CNTNAP2: variants seen among roughly 807,000 people sequenced by gnomAD.
CNTNAP2 encodes the protein contactin-associated protein-like 2.
A neutral mutation model predicts 155.2 loss-of-function variants in CNTNAP2; 98 were observed. The observed-to-expected ratio is 0.63, with a 90% CI of 0.54 to 0.75. The LOEUF (loss-of-function observed/expected upper bound fraction) is 0.75, where lower values mean the gene tolerates loss of function less well. Among genes scored for constraint, CNTNAP2 ranks in the 30% least tolerant of loss-of-function variants. CNTNAP2 has a pLI of 0.00. For synonymous variants in CNTNAP2, 651 were observed against 631.2 expected, an observed-to-expected ratio of 1.03 and a Z score of -0.47; for missense variants, 1,727 against 1,688.1, an observed-to-expected ratio of 1.02 and a Z score of -0.40.
chr7:148,412,513 G>A (rs950074800), intron 23 of CNTNAP2, among the ~76,000 whole-genome samples: 6 of 152,166 alleles, frequency 3.9e-5, no homozygotes, highest in Non-Finnish European at 7.3e-5. Context: ...GTCTCTCTCT[G>A]GCATATAAAA....
At chr7:148,386,463 G>A (rs1585328774) in intron 22 of CNTNAP2, among the ~76,000 whole-genome samples, 2 of 152,258 alleles carry the variant, frequency 1.3e-5, no homozygotes, top group Non-Finnish European at 1.5e-5. Context: ...GGGAGGCAGA[G>A]GTTGCACTGA....
chr7:146,996,972 C>T (rs762714455), intron 3 of CNTNAP2, among the ~76,000 whole-genome samples: 3 of 152,110 alleles, frequency 2.0e-5, no homozygotes, highest in Non-Finnish European at 4.4e-5. Flanking sequence ...CTCTCATTCT[C>T]TCTCTTGCCT....
intron 1 of CNTNAP2, among the ~76,000 whole-genome samples, chr7:146,289,184 C>CT (rs1800389406): frequency 6.6e-6 from 1 of 152,074 alleles, no homozygotes; most frequent in Non-Finnish European, 1.5e-5. Context: ...GAAATGGCTG[C>CT]TTTTTTCCAT....
intron 2 of CNTNAP2, among the ~76,000 whole-genome samples, chr7:146,792,323 G>A (rs1802689416): frequency 6.6e-6 from 1 of 151,552 alleles, no homozygotes; most frequent in South Asian, 2.1e-4. Flanking sequence ...TAGGCAAAAT[G>A]GCATGAATAA....
At chr7:148,382,857 C>CTGTT (rs1384963169) in intron 21 of CNTNAP2, among the ~76,000 whole-genome samples, 19 of 152,346 alleles carry the variant, frequency 1.2e-4, no homozygotes, top group African/African-American at 4.1e-4. Context: ...ACATTTGTTT[C>CTGTT]TGTTAGTTTC....
intron 1 of CNTNAP2, among the ~76,000 whole-genome samples, chr7:146,266,190 T>A (rs1209671493): frequency 6.6e-6 from 1 of 152,170 alleles, no homozygotes; most frequent in Non-Finnish European, 1.5e-5. Flanking sequence ...ACAGTGATAC[T>A]TAGAGACAAA....
chr7:147,318,737 C>A (rs759899834), intron 9 of CNTNAP2, among the ~76,000 whole-genome samples: 1 of 151,908 alleles, frequency 6.6e-6, no homozygotes, highest in Non-Finnish European at 1.5e-5. Flanking sequence ...ACCTAGATGG[C>A]GGGTTGATTG....
chr7:147,307,934 A>G (rs529658154), intron 9 of CNTNAP2, among the ~76,000 whole-genome samples: 1 of 152,338 alleles, frequency 6.6e-6, no homozygotes, highest in East Asian at 1.9e-4. Context: ...CAGGGGAAAA[A>G]GTGCTTGCTC....
chr7:146,502,481 C>T (rs1471998719), intron 1 of CNTNAP2, among the ~76,000 whole-genome samples: 1 of 151,842 alleles, frequency 6.6e-6, no homozygotes, highest in Non-Finnish European at 1.5e-5. Flanking sequence ...TCCATACTGT[C>T]TCTATTAATT....
chr7:146,552,805 C>T (rs372224904), intron 1 of CNTNAP2, among the ~76,000 whole-genome samples: 19 of 152,102 alleles, frequency 1.2e-4, no homozygotes, highest in Middle Eastern at 3.4e-3. Flanking sequence ...GGCATTCTCC[C>T]GACATTGTAC....
chr7:146,548,722 G>T (rs1221107376), intron 1 of CNTNAP2, among the ~76,000 whole-genome samples: 2 of 147,972 alleles, frequency 1.4e-5, no homozygotes, highest in Non-Finnish European at 3.0e-5. Context: ...TTGTTAGTGA[G>T]TTGGAGTTTC....
intron 3 of CNTNAP2, among the ~76,000 whole-genome samples, chr7:146,999,547 A>C (rs1798382897): frequency 6.6e-6 from 1 of 152,028 alleles, no homozygotes. Flanking sequence ...TTCAGCTTGA[A>C]GAACTCCTTG....
intron 15 of CNTNAP2, among the ~76,000 whole-genome samples, chr7:147,983,017 C>CAAAAAAAAAA (rs35946958): frequency 1.2e-5 from 1 of 80,876 alleles, no homozygotes. Context: ...GACTCCACCT[C>CAAAAAAAAAA]AAAAAAAAAA....
intron 1 of CNTNAP2, among the ~76,000 whole-genome samples, chr7:146,405,677 A>G (rs1448641772): frequency 6.6e-6 from 1 of 152,226 alleles, no homozygotes; most frequent in African/African-American, 2.4e-5. Flanking sequence ...CGGAAAAATC[A>G]GATTTTTAGT....
intron 13 of CNTNAP2, among the ~76,000 whole-genome samples, chr7:147,689,651 T>TATGG (rs1431952602): frequency 6.6e-6 from 1 of 152,184 alleles, no homozygotes; most frequent in Non-Finnish European, 1.5e-5. Context: ...CATTGTGCAC[T>TATGG]ATGGATGATT....
chr7:146,475,987 C>T (rs75482975), intron 1 of CNTNAP2, among the ~76,000 whole-genome samples: 2,845 of 152,148 alleles, frequency 0.019, 51 homozygotes, highest in African/African-American at 0.045. Flanking sequence ...AGGTGACCCA[C>T]GTGAAATATC....
intron 3 of CNTNAP2, among the ~76,000 whole-genome samples, chr7:146,934,672 A>T (rs557355958): frequency 1.3e-5 from 2 of 152,244 alleles, no homozygotes; most frequent in African/African-American, 4.8e-5. Flanking sequence ...TTGAAAAGAA[A>T]AAAATGGACA....
intron 1 of CNTNAP2, among the ~76,000 whole-genome samples, chr7:146,697,620 G>C (rs1441804068): frequency 2.6e-5 from 4 of 152,020 alleles, no homozygotes; most frequent in Non-Finnish European, 5.9e-5. Flanking sequence ...GATGTTTTTG[G>C]TTAATGTTAG....
At chr7:147,538,389 C>T (rs910271841) in intron 11 of CNTNAP2, among the ~76,000 whole-genome samples, 4 of 152,230 alleles carry the variant, frequency 2.6e-5, no homozygotes, top group South Asian at 2.1e-4. Flanking sequence ...CAGTGACTCA[C>T]GCCTGTAATT....
Sources: gnomAD v4.1 joint callset for allele counts (sites outside exome capture counted in the v4.1 genomes callset) on GRCh38, gnomAD v4.1.1 for gene constraint, MANE v1.5 for transcripts, NCBI Gene and HGNC (gene_info 2026-07-23, HGNC 2026-07-21) for gene names.